The following STX8 variants were observed in gnomAD, a reference collection of about 807,000 sequenced individuals.
STX8 encodes the protein syntaxin 8.
A neutral mutation model predicts 37.5 loss-of-function variants in STX8; 23 were observed. The ratio of observed to expected loss-of-function variants is 0.61; its 90% CI spans 0.44 to 0.87. The LOEUF (loss-of-function observed/expected upper bound fraction) is 0.87, where lower values mean the gene tolerates loss of function less well. STX8 is among the 40% of genes least tolerant of loss of function. The pLI, the probability that STX8 is intolerant of heterozygous loss-of-function variation, is 0.00. For missense variants in STX8, 313 were observed against 284.7 expected, an observed-to-expected ratio of 1.10 and a Z score of -0.71; for synonymous variants, 115 against 99.1, an observed-to-expected ratio of 1.16 and a Z score of -0.95.
At chr17:9,350,152 T>A (rs1910659849) in intron 7 of STX8, among the ~76,000 whole-genome samples, 1 of 151,708 alleles carries the variant, frequency 6.6e-6, no homozygotes, top group Non-Finnish European at 1.5e-5. Context: ...TAGCTGGATG[T>A]GAGGAGCAGA....
intron 6 of STX8, among the ~76,000 whole-genome samples, chr17:9,401,231 T>C (rs934817968): frequency 6.6e-6 from 1 of 152,210 alleles, no homozygotes; most frequent in African/African-American, 2.4e-5. Context: ...GAATGCTATT[T>C]CTGGGTTCTT....
chr17:9,466,812 C>T (rs1316796523), intron 6 of STX8, among the ~76,000 whole-genome samples: 1 of 152,220 alleles, frequency 6.6e-6, no homozygotes, highest in African/African-American at 2.4e-5. Context: ...ACCTCCGAAG[C>T]ATGAGGCATT....
chr17:9,533,716 C>A (rs1905908735), intron 4 of STX8, among the ~76,000 whole-genome samples: 1 of 152,122 alleles, frequency 6.6e-6, no homozygotes, highest in Non-Finnish European at 1.5e-5. Context: ...AAGAATTGAA[C>A]CTTGAGTCTC....
chr17:9,570,745 A>G (rs1428056605), intron 1 of STX8, among the ~76,000 whole-genome samples: 1 of 152,086 alleles, frequency 6.6e-6, no homozygotes, highest in Admixed American at 6.6e-5. Flanking sequence ...AATCATCCAC[A>G]TATGGTAAGT....
intron 2 of STX8, among the ~76,000 whole-genome samples, chr17:9,563,242 G>A (rs140800272): frequency 0.013 from 1,903 of 151,928 alleles, 19 homozygotes; most frequent in Non-Finnish European, 0.021. Flanking sequence ...GAGTGCAGTG[G>A]CACGATCTCG....
intron 6 of STX8, among the ~76,000 whole-genome samples, chr17:9,392,533 G>C (rs2142305969): frequency 6.6e-6 from 1 of 152,290 alleles, no homozygotes; most frequent in East Asian, 1.9e-4. Context: ...CTTGAGCCCA[G>C]GAGGTTGAGG....
chr17:9,402,267 G>C (rs1316104516), intron 6 of STX8, among the ~76,000 whole-genome samples: 1 of 151,946 alleles, frequency 6.6e-6, no homozygotes, highest in Non-Finnish European at 1.5e-5. Context: ...TTACAGGCAT[G>C]CACCACCATG....
chr17:9,477,384 A>G lies in STX8; in HGVS notation c.541+14445T>C, dbSNP rs112844401. Among the ~76,000 whole-genome samples, 427 of 152,344 alleles carry G rather than the reference A, an allele frequency of 2.8e-3. 2 individuals carry two copies. The highest frequency in any genetic ancestry group is 1.0e-2 in the African/African-American group (415 of 41,574). On this transcript the variant is annotated intron_variant, in intron 6 of 7. Transcript: ENST00000306357. ...GATGAATAAACCAAAACTTACCTAG[A>G]GAAGAAACAGAAATAACAAAAGGAG...
intron 6 of STX8, among the ~76,000 whole-genome samples, chr17:9,482,334 G>A (rs763443733): frequency 9.9e-5 from 15 of 151,698 alleles, no homozygotes; most frequent in Non-Finnish European, 1.6e-4. Context: ...TTATATTGCC[G>A]AGAAATCAGT....
At chr17:9,335,781 A>ACT (rs1910116170) in intron 7 of STX8, among the ~76,000 whole-genome samples, 1 of 152,040 alleles carries the variant, frequency 6.6e-6, no homozygotes, top group South Asian at 2.1e-4. Context: ...ACACTAATAC[A>ACT]ACCATGGCAT....
At chr17:9,396,585 C>T (rs1242063276) in intron 6 of STX8, among the ~76,000 whole-genome samples, 1 of 151,976 alleles carries the variant, frequency 6.6e-6, no homozygotes, top group Admixed American at 6.6e-5. Context: ...TGGCGAGTGC[C>T]TGTAATCCCA....
intron 4 of STX8, among the ~76,000 whole-genome samples, chr17:9,544,740 C>T (rs1270411225): frequency 1.3e-5 from 2 of 152,182 alleles, no homozygotes; most frequent in Non-Finnish European, 2.9e-5. Flanking sequence ...CACCTGTAAT[C>T]CCAGCACTTT....
intron 7 of STX8, among the ~76,000 whole-genome samples, chr17:9,325,021 C>T (rs1441498679): frequency 1.3e-5 from 2 of 152,152 alleles, no homozygotes; most frequent in Non-Finnish European, 2.9e-5. Flanking sequence ...GCAGCAAGTA[C>T]AGCTCCCAGC....
At chr17:9,501,925 C>T (rs981516247) in intron 5 of STX8, among the ~76,000 whole-genome samples, 8 of 152,146 alleles carry the variant, frequency 5.3e-5, no homozygotes, top group South Asian at 4.1e-4. Context: ...GCAGAGATTG[C>T]GTCACTGCAC....
At chr17:9,402,790 C>T (rs1036943991) in intron 6 of STX8, among the ~76,000 whole-genome samples, 1 of 152,104 alleles carries the variant, frequency 6.6e-6, no homozygotes, top group Non-Finnish European at 1.5e-5. Flanking sequence ...CAGCAGAGGG[C>T]GATAGAGGGA....
At chr17:9,273,614 T>C (rs1004660813) in intron 7 of STX8, among the ~76,000 whole-genome samples, 5 of 152,254 alleles carry the variant, frequency 3.3e-5, no homozygotes, top group Non-Finnish European at 7.3e-5. Context: ...CCTTTCCTCA[T>C]GGCGCTACGC....
chr17:9,377,867 C>A (rs959964286), intron 7 of STX8: 1 of 152,336 alleles, frequency 6.6e-6, no homozygotes, highest in Non-Finnish European at 1.5e-5. Context: ...CTATTCCCAT[C>A]ATTTATCATC....
At chr17:9,534,864 A>G (rs1428241201) in intron 4 of STX8, among the ~76,000 whole-genome samples, 2 of 152,226 alleles carry the variant, frequency 1.3e-5, no homozygotes, top group Non-Finnish European at 2.9e-5. Context: ...TAAAGTATCC[A>G]TATTTTAGAA....
chr17:9,474,984 C>A, intron 6 of STX8, among the ~76,000 whole-genome samples: 1 of 151,900 alleles, frequency 6.6e-6, no homozygotes, highest in Non-Finnish European at 1.5e-5. Flanking sequence ...AAAACAAAAA[C>A]AAACAAAAAA....
Sources: allele counts gnomAD v4.1 joint callset (sites outside exome capture counted in the v4.1 genomes callset), GRCh38; gene constraint gnomAD v4.1.1; transcripts MANE v1.5; gene names NCBI Gene and HGNC (gene_info 2026-07-23, HGNC 2026-07-21).